The following TBL1XR1 variants were observed in gnomAD, a reference collection of about 807,000 sequenced individuals.
TBL1XR1 encodes F-box-like/WD repeat-containing protein TBL1XR1.
TBL1XR1 carries 5 observed loss-of-function variants against 66.9 expected under a neutral mutation model. The ratio of observed to expected loss-of-function variants is 0.07; its 90% CI spans 0.04 to 0.16. The LOEUF is 0.16. TBL1XR1 is among the 10% of genes least tolerant of loss of function. The probability of loss-of-function intolerance (pLI) is 1.00; values close to 1 mark genes in which losing one functional copy is unlikely to be tolerated. For synonymous variants in TBL1XR1, 210 were observed against 206.0 expected (o/e 1.02, Z -0.17); for missense variants, 238 against 623.2 (o/e 0.38, Z 6.58).
intron 14 of TBL1XR1, chr3:177,027,339 C>T (rs1713286807): frequency 1.3e-5 from 2 of 151,982 alleles, no homozygotes; most frequent in South Asian, 4.1e-4. Context: ...TATGTTTAAA[C>T]AAAAAACACA....
intron 1 of TBL1XR1, among the ~76,000 whole-genome samples, chr3:177,168,207 G>A (rs192757461): frequency 9.5e-4 from 144 of 151,838 alleles, no homozygotes; most frequent in African/African-American, 3.5e-3. Flanking sequence ...GTTCATTTAG[G>A]TACACAAAAT....
intron 1 of TBL1XR1, among the ~76,000 whole-genome samples, chr3:177,162,161 G>T (rs898945523): frequency 6.6e-6 from 1 of 152,154 alleles, no homozygotes; most frequent in African/African-American, 2.4e-5. Flanking sequence ...TCAGAATAGC[G>T]CAATGTTGAA....
At chr3:177,026,936 C>T (rs1277454820) in intron 14 of TBL1XR1, 1 of 153,632 alleles carries the variant, frequency 6.5e-6, no homozygotes, top group Non-Finnish European at 1.4e-5. Context: ...CTGTTATTCA[C>T]TCTATATTTA....
At chr3:177,071,221 G>A (rs531938408) in intron 2 of TBL1XR1, among the ~76,000 whole-genome samples, 29 of 151,900 alleles carry the variant, frequency 1.9e-4, no homozygotes, top group African/African-American at 6.8e-4. Flanking sequence ...CAGTAGAGAC[G>A]GGGTTTCATC....
chr3:177,158,067 A>G (rs1731723018), intron 1 of TBL1XR1, among the ~76,000 whole-genome samples: 1 of 152,016 alleles, frequency 6.6e-6, no homozygotes, highest in Non-Finnish European at 1.5e-5. Context: ...GCTATCTCAT[A>G]TATCTTAAGG....
In TBL1XR1 at chr3:177,022,245, C is replaced by T. The variant is rs954542120; in HGVS notation, c.*3253G>A. 1 of 152,346 alleles carries T rather than the reference C, an allele frequency of 6.6e-6. No homozygotes were observed. Among genetic ancestry groups the T allele is most frequent in the African/African-American group, 2.4e-5 (1 of 41,374 alleles). 9.4% of individuals were successfully genotyped at this position (152,346 alleles called of 1,614,324 possible). A position where few individuals can be genotyped will look rare whatever the true frequency, so the allele number is the denominator to read the frequency against. ...TTCAATCTAGTGATTACTTTTTGCA[C>T]CATAATTTGTTTTTTACACCACAAA... On this transcript the variant is annotated 3_prime_UTR_variant, in exon 16 of 16. Coordinates refer to ENST00000457928, the MANE Select transcript of TBL1XR1 (RefSeq NM_024665.7).
At chr3:177,187,130 G>A (rs1735518899) in intron 1 of TBL1XR1, among the ~76,000 whole-genome samples, 1 of 148,090 alleles carries the variant, frequency 6.8e-6, no homozygotes. Flanking sequence ...TCGTGCCACT[G>A]TACTCCAGCC....
At chr3:177,194,415 C>T (rs76003814) in intron 1 of TBL1XR1, among the ~76,000 whole-genome samples, 9,718 of 151,650 alleles carry the variant, frequency 0.064, 924 homozygotes, top group East Asian at 0.49. Flanking sequence ...TGCCTCTCCC[C>T]TGACTTCCTA....
At chr3:177,095,512 G>A (rs1308470574) in intron 2 of TBL1XR1, among the ~76,000 whole-genome samples, 3 of 145,620 alleles carry the variant, frequency 2.1e-5, no homozygotes, top group Non-Finnish European at 4.5e-5. Flanking sequence ...TTTTTTTTGA[G>A]ATGGTGTCTC....
intron 1 of TBL1XR1, among the ~76,000 whole-genome samples, chr3:177,161,653 G>A: frequency 6.6e-6 from 1 of 151,996 alleles, no homozygotes; most frequent in Non-Finnish European, 1.5e-5. Flanking sequence ...GCATGATGGT[G>A]GATGCCTATA....
intron 1 of TBL1XR1, among the ~76,000 whole-genome samples, chr3:177,115,046 G>C (rs1726138883): frequency 1.3e-5 from 2 of 152,012 alleles, no homozygotes; most frequent in African/African-American, 4.8e-5. Flanking sequence ...AAGGAGGAGT[G>C]AGGCGGTCTA....
chr3:177,053,456 G>A (rs947694382), intron 4 of TBL1XR1, among the ~76,000 whole-genome samples: 4 of 152,136 alleles, frequency 2.6e-5, no homozygotes, highest in Non-Finnish European at 4.4e-5. Context: ...TTCAAATAAC[G>A]TGAGAATTTA....
At chr3:177,191,878 C>CAGATCACAA (rs1736185021) in intron 1 of TBL1XR1, among the ~76,000 whole-genome samples, 1 of 151,428 alleles carries the variant, frequency 6.6e-6, no homozygotes, top group Admixed American at 6.6e-5. Context: ...CCGAGACGGG[C>CAGATCACAA]GGTCAGGAGT....
At chr3:177,036,219 G>C (rs568524049) in intron 12 of TBL1XR1, among the ~76,000 whole-genome samples, 15 of 152,272 alleles carry the variant, frequency 9.9e-5, no homozygotes. Flanking sequence ...AACCCCAACA[G>C]TGAACCACCA....
chr3:177,084,148 A>G (rs1721835090), intron 2 of TBL1XR1, among the ~76,000 whole-genome samples: 1 of 152,148 alleles, frequency 6.6e-6, no homozygotes, highest in African/African-American at 2.4e-5. Flanking sequence ...TACAACGGAC[A>G]TATACTGGCT....
chr3:177,160,543 A>G (rs561377479), intron 1 of TBL1XR1, among the ~76,000 whole-genome samples: 4 of 151,754 alleles, frequency 2.6e-5, no homozygotes, highest in Admixed American at 2.6e-4. Flanking sequence ...AACAATCTTC[A>G]CTGAGTCCAT....
chr3:177,077,458 A>C (rs988378646), intron 2 of TBL1XR1, among the ~76,000 whole-genome samples: 7 of 152,194 alleles, frequency 4.6e-5, no homozygotes, highest in African/African-American at 1.7e-4. Context: ...TATTCACATA[A>C]TACAAATGAA....
intron 9 of TBL1XR1, 47 bp downstream of exon 9, chr3:177,047,253 T>G: frequency 6.9e-7 from 1 of 1,453,142 alleles, no homozygotes; most frequent in Non-Finnish European, 9.3e-7. Context: ...TGCTTTCAAT[T>G]AAGCTCTGTA....
At chr3:177,142,954 T>G (rs1322912495) in intron 1 of TBL1XR1, among the ~76,000 whole-genome samples, 6 of 152,052 alleles carry the variant, frequency 3.9e-5, no homozygotes, top group African/African-American at 9.7e-5. Context: ...AGCCATCATA[T>G]GGCAAACAAA....
Sources: allele counts gnomAD v4.1 joint callset (sites outside exome capture counted in the v4.1 genomes callset), GRCh38; gene constraint gnomAD v4.1.1; transcripts MANE v1.5; gene names NCBI Gene and HGNC (gene_info 2026-07-23, HGNC 2026-07-21).